The following KCNJ1 variants were observed in gnomAD, a reference collection of about 807,000 sequenced individuals.
KCNJ1 encodes potassium inwardly rectifying channel subfamily J member 1.
In KCNJ1, 24 loss-of-function variants were observed where a neutral mutation model predicts 21.9. The observed-to-expected ratio is 1.10, with a 90% confidence interval of 0.79 to 1.54. The LOEUF (loss-of-function observed/expected upper bound fraction) is 1.54, where lower values mean the gene tolerates loss of function less well. Ranked by LOEUF, KCNJ1 falls within the 40% of genes most tolerant of loss-of-function variation. KCNJ1 has a pLI of 0.00. For synonymous variants in KCNJ1, 152 were observed against 160.9 expected (o/e 0.94, Z 0.42); for missense variants, 457 against 455.4 (o/e 1.00, Z -0.03).
At chr11:128,842,510 T>C in intron 2 of KCNJ1, 1 of 1,604,158 alleles carries the variant, frequency 6.2e-7, no homozygotes, top group South Asian at 1.1e-5. Flanking sequence ...TAGGCGACAG[T>C]CAGTGGACTG....
chr11:128,857,350 T>C (rs531558694), intron 1 of KCNJ1, among the ~76,000 whole-genome samples: 34 of 152,336 alleles, frequency 2.2e-4, no homozygotes, highest in South Asian at 1.0e-3. Flanking sequence ...GTTGTTTATT[T>C]CCCTGCTGGT....
At chr11:128,866,847 C>T (rs1943825769) in intron 1 of KCNJ1, among the ~76,000 whole-genome samples, 2 of 152,080 alleles carry the variant, frequency 1.3e-5, no homozygotes, top group African/African-American at 4.8e-5. Context: ...AAGGATGCCA[C>T]CAGAGATGAA....
At chr11:128,846,168 G>C (rs968530564) in intron 2 of KCNJ1, among the ~76,000 whole-genome samples, 1 of 152,198 alleles carries the variant, frequency 6.6e-6, no homozygotes, top group African/African-American at 2.4e-5. Flanking sequence ...GGTTAGCACA[G>C]ACATTGATTT....
In KCNJ1 at chr11:128,839,740, T is replaced by A. The variant is rs1943246215; in HGVS notation, c.504A>T (p.Lys168Asn). The part of the protein sequence containing the change: ...AILAKISRPK[K>N]RAKTITFSKN... ...TGCTGAACGTAATGGTCTTGGCACG[T>A]TTTTTGGGCCTGGAGATCTTGGCTA... The change falls in exon 3 of 3, where the codon AAA becomes AAT. Residue 168 changes from lysine (K) to asparagine (N), a missense_variant. Physicochemically the swap from Lys to Asn is moderately conservative, Grantham distance 94. Transcript: ENST00000392666. 6.2e-7 allele frequency: 1 copy of A among 1,613,616 alleles called. No homozygotes were observed. The highest frequency in any genetic ancestry group is 1.1e-5 in the South Asian group (1 of 91,082).
At chr11:128,846,483 T>C (rs1943381922) in intron 2 of KCNJ1, among the ~76,000 whole-genome samples, 1 of 152,112 alleles carries the variant, frequency 6.6e-6, no homozygotes, top group Non-Finnish European at 1.5e-5. Flanking sequence ...CTACAGCCAA[T>C]GGAGGAAAAG....
intron 2 of KCNJ1, among the ~76,000 whole-genome samples, chr11:128,849,584 CCATAG>C (rs1275264861): frequency 6.6e-6 from 1 of 152,152 alleles, no homozygotes; most frequent in African/African-American, 2.4e-5. Flanking sequence ...GAGGAGAAGA[CCATAG>C]GCCCTGATGT....
chr11:128,856,840 A>G (rs952953719), intron 1 of KCNJ1, among the ~76,000 whole-genome samples: 2 of 151,956 alleles, frequency 1.3e-5, no homozygotes, highest in African/African-American at 4.8e-5. Context: ...CCAGGCCACC[A>G]TAATTCCTTG....
intron 1 of KCNJ1, among the ~76,000 whole-genome samples, chr11:128,857,967 C>T (rs1263846688): frequency 6.6e-6 from 1 of 152,078 alleles, no homozygotes; most frequent in Admixed American, 6.5e-5. Context: ...CATTTATTGG[C>T]TTAATAAAGG....
chr11:128,856,115 G>C (rs1943584723), intron 1 of KCNJ1, among the ~76,000 whole-genome samples: 1 of 152,200 alleles, frequency 6.6e-6, no homozygotes. Flanking sequence ...CTGCTTTCAA[G>C]GGGCCTGTCA....
chr11:128,840,166 T>G lies in KCNJ1; in HGVS notation c.78A>C (p.Lys26Asn), dbSNP rs775690996. The G allele has an allele frequency of 3.1e-6, 5 of 1,614,220 alleles. No homozygotes were observed. The highest frequency in any genetic ancestry group is 4.2e-6 in the Non-Finnish European group (5 of 1,180,038). Residue 26 changes from lysine to asparagine, a missense_variant, in exon 3 of 3, where the codon AAA (lysine) becomes AAC (asparagine). Transcript: ENST00000392666. The part of the protein sequence containing the change: ...HSRQRARLVS[K>N]DGRCNIEFGN... ...CAAATTCTATGTTGCACCTTCCATC[T>G]TTGGAGACTAGCCTTGCTCTTTGCC...
At chr11:128,856,522 C>G (rs992781534) in intron 1 of KCNJ1, among the ~76,000 whole-genome samples, 1 of 152,224 alleles carries the variant, frequency 6.6e-6, no homozygotes, top group African/African-American at 2.4e-5. Flanking sequence ...ATGTGATGTA[C>G]GCTGGGACAG....
chr11:128,863,717 T>C (rs987658648), intron 1 of KCNJ1, among the ~76,000 whole-genome samples: 1 of 152,244 alleles, frequency 6.6e-6, no homozygotes, highest in African/African-American at 2.4e-5. Context: ...ATTTGACAGC[T>C]AAGGACCTTA....
At chr11:128,856,041 G>A (rs1289882476) in intron 1 of KCNJ1, among the ~76,000 whole-genome samples, 1 of 152,158 alleles carries the variant, frequency 6.6e-6, no homozygotes, top group East Asian at 1.9e-4. Context: ...ATCCCCTCCT[G>A]GAGCCTCTTA....
intron 2 of KCNJ1, among the ~76,000 whole-genome samples, chr11:128,846,334 A>T (rs1943378570): frequency 6.6e-6 from 1 of 152,212 alleles, no homozygotes; most frequent in Non-Finnish European, 1.5e-5. Context: ...GTTCCTAGAA[A>T]ATAGTAATTA....
intron 1 of KCNJ1, among the ~76,000 whole-genome samples, chr11:128,861,148 C>A: frequency 6.6e-6 from 1 of 152,330 alleles, no homozygotes; most frequent in East Asian, 1.9e-4. Flanking sequence ...GAAATTAGCC[C>A]GCCTGTGGTC....
chr11:128,866,632 A>T, intron 1 of KCNJ1: 2 of 474,634 alleles, frequency 4.2e-6, no homozygotes, highest in Non-Finnish European at 5.5e-6. Context: ...TCCATTCAGA[A>T]TGGTGCAAAA....
In KCNJ1 at chr11:128,839,058, G is replaced by A; in HGVS notation, c.*67C>T. 2 of 1,434,908 alleles carry A rather than the reference G, an allele frequency of 1.4e-6. No individual in the cohort carries two copies. The highest frequency in any genetic ancestry group is 1.9e-6 in the Non-Finnish European group (2 of 1,029,776). 88.9% of individuals were successfully genotyped at this position (1,434,908 alleles called of 1,614,324 possible). A position where few individuals can be genotyped will look rare whatever the true frequency, so the allele number is the denominator to read the frequency against. On this transcript the variant is annotated 3_prime_UTR_variant, in exon 3 of 3. Coordinates refer to ENST00000392666, the MANE Select transcript of KCNJ1 (RefSeq NM_153766.3). ...CTTTCGTACCCCTAAATTGTTGACT[G>A]CTTCATAATGCTTCTAGGTACTAGG...
intron 2 of KCNJ1, among the ~76,000 whole-genome samples, chr11:128,848,346 G>A (rs1010925610): frequency 2.7e-5 from 4 of 149,816 alleles, no homozygotes; most frequent in African/African-American, 7.4e-5. Context: ...ACCATGCCCA[G>A]CTGATTTTGT....
chr11:128,855,861 G>A (rs1322348254), intron 1 of KCNJ1, among the ~76,000 whole-genome samples: 4 of 152,226 alleles, frequency 2.6e-5, no homozygotes, highest in Non-Finnish European at 5.9e-5. Context: ...GGCACTTGGG[G>A]AAATCAGTTT....
Sources: allele counts gnomAD v4.1 joint callset (sites outside exome capture counted in the v4.1 genomes callset), GRCh38; gene constraint gnomAD v4.1.1; transcripts MANE v1.5; gene names NCBI Gene and HGNC (gene_info 2026-07-23, HGNC 2026-07-21).